Variants in PLSCR2 observed in about 807,000 individuals in gnomAD.
PLSCR2 encodes the protein PL scramblase 2.
A neutral mutation model predicts 25.3 loss-of-function variants in PLSCR2; 18 were observed. The observed-to-expected ratio is 0.71, with a 90% CI of 0.49 to 1.06. PLSCR2 has a LOEUF of 1.06. PLSCR2 is among the 50% of genes least tolerant of loss of function. The pLI is 0.00. For synonymous variants in PLSCR2, 88 were observed against 87.3 expected (o/e 1.01, Z -0.04); for missense variants, 243 against 269.5 (o/e 0.90, Z 0.69).
chr3:146,468,114 C>A (rs1329553536), intron 1 of PLSCR2, among the ~76,000 whole-genome samples: 1 of 152,158 alleles, frequency 6.6e-6, no homozygotes, highest in Admixed American at 6.5e-5. Context: ...TCTTTTCAGT[C>A]AGTAAGAATA....
chr3:146,420,379 T>C (rs1367452485), intron 2 of PLSCR2, among the ~76,000 whole-genome samples: 2 of 152,082 alleles, frequency 1.3e-5, no homozygotes, highest in South Asian at 4.1e-4. Context: ...TACCTACTTA[T>C]TAATTTTTCT....
At chr3:146,426,518 C>T (rs556598445) in intron 2 of PLSCR2, among the ~76,000 whole-genome samples, 2 of 152,206 alleles carry the variant, frequency 1.3e-5, no homozygotes, top group African/African-American at 2.4e-5. Flanking sequence ...CCAAATTACA[C>T]TGAATGTGTG....
At chr3:146,458,301 T>A in intron 3 of PLSCR2, 110 bp downstream of exon 3, 1 of 915,124 alleles carries the variant, frequency 1.1e-6, no homozygotes, top group South Asian at 1.9e-5. Flanking sequence ...AAATAGTCAG[T>A]TTTACCATCC....
intron 2 of PLSCR2, 102 bp from the exon 3 acceptor site, chr3:146,458,555 C>A: frequency 1.3e-6 from 1 of 756,740 alleles, no homozygotes; most frequent in Non-Finnish European, 1.8e-6. Flanking sequence ...CAGTTATCGA[C>A]ATTTATCAAT....
intron 8 of PLSCR2, among the ~76,000 whole-genome samples, chr3:146,435,156 TA>T (rs1468942565): frequency 1.3e-5 from 2 of 152,168 alleles, no homozygotes; most frequent in African/African-American, 4.8e-5. Flanking sequence ...CACATTTTCT[TA>T]ATCCAGTCTA....
chr3:146,487,627 C>T (rs1452329494), intron 1 of PLSCR2, among the ~76,000 whole-genome samples: 3 of 151,996 alleles, frequency 2.0e-5, no homozygotes, highest in Non-Finnish European at 4.4e-5. Flanking sequence ...ATGTGAAGGA[C>T]ATCTTCAAGA....
intron 6 of PLSCR2, among the ~76,000 whole-genome samples, chr3:146,445,077 T>G (rs1417384968): frequency 1.3e-5 from 2 of 152,144 alleles, no homozygotes; most frequent in Non-Finnish European, 2.9e-5. Flanking sequence ...TGTCCCATTT[T>G]TAAATTTGTT....
At chr3:146,473,537 A>T (rs2042189696) in intron 1 of PLSCR2, among the ~76,000 whole-genome samples, 1 of 152,004 alleles carries the variant, frequency 6.6e-6, no homozygotes, top group Non-Finnish European at 1.5e-5. Context: ...AACCCCTGAC[A>T]TCAGGTGATC....
chr3:146,454,800 G>A (rs1397278515), intron 4 of PLSCR2, among the ~76,000 whole-genome samples: 1 of 152,118 alleles, frequency 6.6e-6, no homozygotes. Context: ...CTTTGTTCTA[G>A]GTTTGTCCCT....
At chr3:146,448,303 A>G (rs1200635933) in intron 6 of PLSCR2, among the ~76,000 whole-genome samples, 2 of 152,042 alleles carry the variant, frequency 1.3e-5, no homozygotes, top group Non-Finnish European at 2.9e-5. Context: ...CATTATTTTC[A>G]TTGGCATTTA....
intron 2 of PLSCR2, among the ~76,000 whole-genome samples, chr3:146,398,496 G>A (rs1316931139): frequency 6.7e-6 from 1 of 149,432 alleles, no homozygotes. Flanking sequence ...AAATAAGGAC[G>A]CTGTGAATTA....
chr3:146,445,448 G>A (rs983095371), intron 6 of PLSCR2, among the ~76,000 whole-genome samples: 3 of 151,740 alleles, frequency 2.0e-5, no homozygotes, highest in East Asian at 1.9e-4. Context: ...TATGATCAAC[G>A]TTTTTTTTCC....
chr3:146,437,065 G>A (rs1228752692), downstream of PLSCR2, among the ~76,000 whole-genome samples: 1 of 152,014 alleles, frequency 6.6e-6, no homozygotes, highest in East Asian at 1.9e-4. Context: ...CTGTTTATAT[G>A]ATGGATTACG....
intron 3 of PLSCR2, among the ~76,000 whole-genome samples, chr3:146,395,548 T>C (rs187694907): frequency 5.3e-5 from 8 of 152,326 alleles, no homozygotes; most frequent in African/African-American, 1.9e-4. Flanking sequence ...GCAAAGGATT[T>C]AAACCTGAAT....
At chr3:146,431,492 T>G (rs4282029), downstream of PLSCR2, among the ~76,000 whole-genome samples, 73,305 of 152,024 alleles carry the variant, frequency 0.48, 18,687 homozygotes, top group South Asian at 0.7. Context: ...ACCCTACAGT[T>G]TCTGACTTCA....
At chr3:146,409,833 A>G (rs2108033672) in intron 2 of PLSCR2, among the ~76,000 whole-genome samples, 1 of 152,268 alleles carries the variant, frequency 6.6e-6, no homozygotes, top group South Asian at 2.1e-4. Context: ...TCCAACATGG[A>G]CAGAAAAACT....
intron 2 of PLSCR2, among the ~76,000 whole-genome samples, chr3:146,425,393 A>G (rs966545878): frequency 1.3e-5 from 2 of 152,160 alleles, no homozygotes; most frequent in East Asian, 1.9e-4. Flanking sequence ...CAGGACTTAA[A>G]CCATGAAAGG....
chr3:146,414,632 AT>A (rs2038955714), intron 2 of PLSCR2, among the ~76,000 whole-genome samples: 2 of 151,864 alleles, frequency 1.3e-5, no homozygotes, highest in Non-Finnish European at 2.9e-5. Flanking sequence ...ATTTCCATGC[AT>A]TTTGGTTTCA....
chr3:146,423,068 T>C (rs1170850087), intron 2 of PLSCR2, among the ~76,000 whole-genome samples: 2 of 152,030 alleles, frequency 1.3e-5, no homozygotes, highest in African/African-American at 4.8e-5. Context: ...GGCATCCCAT[T>C]TGGAGGGTCT....
Sources: allele counts gnomAD v4.1 joint callset (sites outside exome capture counted in the v4.1 genomes callset), GRCh38; gene constraint gnomAD v4.1.1; transcripts MANE v1.5; gene names NCBI Gene and HGNC (gene_info 2026-07-23, HGNC 2026-07-21).